The following CSMD2 variants were observed in gnomAD, a reference collection of about 807,000 sequenced individuals.
The protein encoded by CSMD2 is CUB and sushi domain-containing protein 2.
In CSMD2, 130 loss-of-function variants were observed where a neutral mutation model predicts 398.5. The observed-to-expected ratio is 0.33, with a 90% CI of 0.28 to 0.38. CSMD2 has a LOEUF of 0.38. CSMD2 is among the 10% of genes least tolerant of loss of function. The probability of loss-of-function intolerance (pLI) is 1.00; values close to 1 mark genes in which losing one functional copy is unlikely to be tolerated. For missense variants in CSMD2, 3,829 were observed against 4,764.9 expected (o/e 0.80, Z 5.78); for synonymous variants, 1,828 against 1,908.5 (o/e 0.96, Z 1.10).
At chr1:33,707,652 A>G in intron 22 of CSMD2, among the ~76,000 whole-genome samples, 1 of 151,952 alleles carries the variant, frequency 6.6e-6, no homozygotes, top group African/African-American at 2.4e-5. Context: ...GGTAAGAGTG[A>G]GAAATGCATT....
chr1:33,541,272 G>T lies in CSMD2; in HGVS notation c.9315C>A (p.Gly3105=), dbSNP rs1390719033. The change falls in exon 59 of 71, where the codon GGC becomes GGA. Residue 3105 remains glycine (G), a synonymous_variant. Coordinates refer to ENST00000373381, the MANE Select transcript of CSMD2 (RefSeq NM_001281956.2). The stretch of plus-strand genomic sequence containing the variant: ...ACCTGAAGTCATTGCCCAGCCGAAG[G>T]CCATTGGCTGGAATCCCAGGGTCAC... ...NCGDPGIPAN[G]LRLGNDFRYN... is the part of the protein sequence containing the mutation. The T allele has an allele frequency of 6.2e-7, 1 of 1,614,040 alleles. No individual in the cohort carries two copies. The highest frequency in any genetic ancestry group is 8.5e-7 in the Non-Finnish European group (1 of 1,179,984).
intron 1 of CSMD2, among the ~76,000 whole-genome samples, chr1:34,100,249 A>AT (rs974470329): frequency 4.0e-4 from 61 of 152,198 alleles, no homozygotes; most frequent in African/African-American, 1.3e-3. Context: ...AGTATAAAAA[A>AT]ATATATATGC....
chr1:34,063,312 G>A (rs188701884), intron 2 of CSMD2, among the ~76,000 whole-genome samples: 215 of 152,322 alleles, frequency 1.4e-3, no homozygotes, highest in Admixed American at 4.1e-3. Context: ...AAAGTCCACA[G>A]TCCAAAGTCT....
intron 25 of CSMD2, among the ~76,000 whole-genome samples, chr1:33,680,341 T>C (rs897408599): frequency 1.3e-5 from 2 of 152,246 alleles, no homozygotes; most frequent in East Asian, 1.9e-4. Context: ...ATGTTTCCCA[T>C]GTGGGCACCA....
At chr1:34,110,840 C>T (rs1012666102) in intron 1 of CSMD2, among the ~76,000 whole-genome samples, 7 of 152,110 alleles carry the variant, frequency 4.6e-5, no homozygotes, top group African/African-American at 1.4e-4. Flanking sequence ...AACAAACCCC[C>T]ATGACATGGG....
chr1:33,913,647 G>A (rs2125271363), intron 5 of CSMD2, among the ~76,000 whole-genome samples: 1 of 152,290 alleles, frequency 6.6e-6, no homozygotes, highest in East Asian at 1.9e-4. Flanking sequence ...CACAACTACT[G>A]AGAGGTGGCT....
intron 5 of CSMD2, chr1:33,862,591 T>C (rs1307439795): frequency 2.6e-5 from 4 of 152,174 alleles, no homozygotes; most frequent in Admixed American, 6.5e-5. Flanking sequence ...GGCTGAGAAG[T>C]GTCCCCAGAG....
chr1:34,138,007 A>G (rs1310569128), intron 1 of CSMD2, among the ~76,000 whole-genome samples: 1 of 152,226 alleles, frequency 6.6e-6, no homozygotes, highest in Admixed American at 6.5e-5. Context: ...CAAGTAGGGG[A>G]AACCAGAATG....
At chr1:33,726,240 C>T (rs1272419594) in intron 16 of CSMD2, among the ~76,000 whole-genome samples, 1 of 152,122 alleles carries the variant, frequency 6.6e-6, no homozygotes, top group African/African-American at 2.4e-5. Context: ...CATGCTTTAA[C>T]ATCTGATGGT....
chr1:33,529,107 A>G (rs1655030318), intron 64 of CSMD2, among the ~76,000 whole-genome samples: 2 of 152,260 alleles, frequency 1.3e-5, no homozygotes, highest in South Asian at 4.1e-4. Context: ...GATAATTGAT[A>G]CGTCCCAATA....
At chr1:33,682,049 C>T (rs1013395010) in intron 25 of CSMD2, among the ~76,000 whole-genome samples, 6 of 152,178 alleles carry the variant, frequency 3.9e-5, no homozygotes, top group African/African-American at 7.2e-5. Context: ...AGTATTGCTG[C>T]GCTTCAATCA....
At chr1:33,825,843 A>G (rs1658744984) in intron 6 of CSMD2, 69 bp from the exon 7 acceptor site, 1 of 1,286,158 alleles carries the variant, frequency 7.8e-7, no homozygotes, top group East Asian at 2.4e-5. Context: ...GTCCCTCTAG[A>G]AGGATTCCCC....
chr1:34,037,119 A>T (rs74652310), intron 2 of CSMD2, among the ~76,000 whole-genome samples: 3 of 151,518 alleles, frequency 2.0e-5, no homozygotes, highest in African/African-American at 7.3e-5. Context: ...ATAAAAAATT[A>T]AATTTAATAA....
chr1:33,759,866 C>T (rs1200027432), intron 13 of CSMD2, among the ~76,000 whole-genome samples: 1 of 152,158 alleles, frequency 6.6e-6, no homozygotes, highest in African/African-American at 2.4e-5. Flanking sequence ...AAGATGTAAA[C>T]TGGGATTGTC....
chr1:33,572,182 G>T (rs1659652057), intron 50 of CSMD2, among the ~76,000 whole-genome samples: 1 of 152,126 alleles, frequency 6.6e-6, no homozygotes, highest in Non-Finnish European at 1.5e-5. Flanking sequence ...TTGTGATCTG[G>T]CCTAAAAGTT....
chr1:33,927,981 G>A (rs1644184397), intron 4 of CSMD2, among the ~76,000 whole-genome samples: 2 of 152,228 alleles, frequency 1.3e-5, no homozygotes, highest in African/African-American at 4.8e-5. Flanking sequence ...TGCATGGAAG[G>A]TCAAGGGGAA....
chr1:33,600,602 C>T (rs1252380137), intron 44 of CSMD2: 1 of 551,248 alleles, frequency 1.8e-6, no homozygotes, highest in Non-Finnish European at 3.2e-6. Flanking sequence ...AATGAGTGGA[C>T]TTGGCACCAA....
intron 1 of CSMD2, among the ~76,000 whole-genome samples, chr1:34,118,873 G>C (rs184749210): frequency 6.6e-6 from 1 of 152,106 alleles, no homozygotes; most frequent in Non-Finnish European, 1.5e-5. Context: ...CTTCAGGTTC[G>C]ATGCAATCCC....
intron 7 of CSMD2, among the ~76,000 whole-genome samples, chr1:33,820,955 T>G (rs950634112): frequency 2.1e-4 from 32 of 152,088 alleles, no homozygotes; most frequent in Admixed American, 3.9e-4. Context: ...GCCCCCCACC[T>G]CAGCCCCAGA....
Sources: gnomAD v4.1 joint callset for allele counts (sites outside exome capture counted in the v4.1 genomes callset) on GRCh38, gnomAD v4.1.1 for gene constraint, MANE v1.5 for transcripts, NCBI Gene and HGNC (gene_info 2026-07-23, HGNC 2026-07-21) for gene names.